LMAN2L: variants seen among roughly 807,000 people sequenced by gnomAD.
LMAN2L encodes lectin, mannose binding 2 like.
Under a neutral mutation model 44.3 loss-of-function variants are expected in LMAN2L, and 30 were observed. The observed-to-expected ratio is 0.68, with a 90% CI of 0.51 to 0.92. The LOEUF is 0.92. Among genes scored for constraint, LMAN2L ranks in the 40% least tolerant of loss-of-function variants. The probability of loss-of-function intolerance (pLI) is 0.00; values close to 1 mark genes in which losing one functional copy is unlikely to be tolerated. For synonymous variants in LMAN2L, 183 were observed against 171.1 expected, an observed-to-expected ratio of 1.07 and a Z score of -0.54; for missense variants, 429 against 446.1, an observed-to-expected ratio of 0.96 and a Z score of 0.35.
At chr2:96,721,693 T>G (rs1194216524) in intron 4 of LMAN2L, among the ~76,000 whole-genome samples, 1 of 152,092 alleles carries the variant, frequency 6.6e-6, no homozygotes, top group Non-Finnish European at 1.5e-5. Flanking sequence ...TTGCCCAAGC[T>G]GATCTAAAAC....
In LMAN2L at chr2:96,705,932, G is replaced by C. The variant is rs1164921625; in HGVS notation, c.*1324C>G. ...AGAACACAGTCAGAAGCTCATGTTTGGTTCCATCGGTGATTTTAAGAATTT... is the reference window on the plus strand; with the variant it reads ...AGAACACAGTCAGAAGCTCATGTTTCGTTCCATCGGTGATTTTAAGAATTT... On this transcript the variant is annotated 3_prime_UTR_variant, in exon 8 of 8. Coordinates refer to ENST00000264963, the MANE Select transcript of LMAN2L (RefSeq NM_030805.4). The C allele has an allele frequency of 6.6e-6, 1 of 152,350 alleles. No individual in the cohort carries two copies. Among genetic ancestry groups the C allele is most frequent in the African/African-American group, 2.4e-5 (1 of 41,434 alleles). The allele number at this position is 152,350 out of a possible 1,614,324, so 9.4% of individuals were successfully genotyped here. A position where few individuals can be genotyped will look rare whatever the true frequency, so the allele number is the denominator to read the frequency against.
chr2:96,725,021 C>T (rs1262541178), intron 4 of LMAN2L, among the ~76,000 whole-genome samples: 2 of 151,822 alleles, frequency 1.3e-5, no homozygotes, highest in African/African-American at 4.8e-5. Flanking sequence ...TTAGTAGAGA[C>T]GGGGTTTCAC....
rs781266601 is a variant in LMAN2L, at chr2:96,707,695, C to T, written c.904+19G>A. ...CCTCCCCAACTATGGGACCATTTCCCGCGGGCCCCTGTGCTCACTCTCAGG... is the reference window on the plus strand; with the variant it reads ...CCTCCCCAACTATGGGACCATTTCCTGCGGGCCCCTGTGCTCACTCTCAGG... On this transcript the variant is annotated intron_variant, in intron 7 of 7. Transcript: ENST00000264963. The T allele has an allele frequency of 2.9e-5, 46 of 1,613,414 alleles. No individual in the cohort carries two copies. The highest frequency in any genetic ancestry group is 3.3e-5 in the Admixed American group (2 of 59,922).
At position 96,729,515 on chromosome 2, in the gene LMAN2L, CT is replaced by C. The variant is rs527735996; in HGVS notation, c.507+4003del. ...AGTGATTTTATTTTTTTTTTAATGG[CT>C]TTTTTTTTTGAGACAGAGTCTTGCT... is the stretch of plus-strand genomic sequence containing the variant. On this transcript the variant is annotated intron_variant, in intron 4 of 7. Transcript: ENST00000264963. Among the ~76,000 whole-genome samples, 34 of 146,810 alleles carry C rather than the reference CT, an allele frequency of 2.3e-4. No individual in the cohort carries two copies. The South Asian group carries it at 5.2e-3, about 23-fold the overall frequency.
At chr2:96,728,284 G>A (rs956820935) in intron 4 of LMAN2L, among the ~76,000 whole-genome samples, 10 of 151,126 alleles carry the variant, frequency 6.6e-5, no homozygotes, top group Non-Finnish European at 5.9e-5. Flanking sequence ...TCAGGAGATC[G>A]AGAGGAGATC....
intron 2 of LMAN2L, among the ~76,000 whole-genome samples, chr2:96,736,550 C>T (rs1240499188): frequency 2.0e-5 from 3 of 152,170 alleles, no homozygotes; most frequent in African/African-American, 7.2e-5. Flanking sequence ...ACATAATCAT[C>T]CGGTAACCCA....
intron 4 of LMAN2L, among the ~76,000 whole-genome samples, chr2:96,718,822 C>T (rs977587051): frequency 6.6e-6 from 1 of 152,164 alleles, no homozygotes; most frequent in Non-Finnish European, 1.5e-5. Context: ...CAAAGCTATG[C>T]TAGGGACTCT....
chr2:96,727,468 C>T (rs577835930), intron 4 of LMAN2L, among the ~76,000 whole-genome samples: 36 of 152,176 alleles, frequency 2.4e-4, no homozygotes, highest in Middle Eastern at 3.4e-3. Context: ...CCTGTCTCTA[C>T]AAAAAATACA....
intron 4 of LMAN2L, among the ~76,000 whole-genome samples, chr2:96,727,403 A>C (rs142833089): frequency 1.1e-4 from 17 of 152,204 alleles, no homozygotes; most frequent in Middle Eastern, 6.8e-3. Flanking sequence ...GGGCCAAAGC[A>C]GGCAAAGCAC....
chr2:96,709,090 A>C (rs1324867147), intron 6 of LMAN2L, among the ~76,000 whole-genome samples: 1 of 145,328 alleles, frequency 6.9e-6, no homozygotes, highest in Non-Finnish European at 1.5e-5. Context: ...AATTTTTTGT[A>C]TTTTTTTTTT....
At chr2:96,731,271 C>T (rs1443033895) in intron 4 of LMAN2L, among the ~76,000 whole-genome samples, 3 of 152,150 alleles carry the variant, frequency 2.0e-5, no homozygotes, top group Non-Finnish European at 2.9e-5. Context: ...TGAAGAACAG[C>T]CCAGAAGGAA....
chr2:96,737,728 GA>G (rs929720045), intron 2 of LMAN2L, among the ~76,000 whole-genome samples: 12 of 149,762 alleles, frequency 8.0e-5, no homozygotes, highest in East Asian at 7.8e-4. Flanking sequence ...GACATTTCAG[GA>G]AAAAAAAATG....
intron 4 of LMAN2L, among the ~76,000 whole-genome samples, chr2:96,722,000 C>T (rs192555937): frequency 1.7e-4 from 26 of 152,024 alleles, no homozygotes; most frequent in Non-Finnish European, 3.2e-4. Context: ...CGGAGTCTCA[C>T]TCTGTTGCCC....
intron 1 of LMAN2L, 28 bp downstream of exon 1, chr2:96,739,826 C>T (rs768963295): frequency 2.4e-5 from 38 of 1,610,076 alleles, no homozygotes; most frequent in Non-Finnish European, 3.1e-5. Context: ...CGCCCCACTG[C>T]ACGACCACCT....
At chr2:96,710,174 T>C (rs2077881909) in intron 6 of LMAN2L, among the ~76,000 whole-genome samples, 1 of 152,204 alleles carries the variant, frequency 6.6e-6, no homozygotes, top group Admixed American at 6.5e-5. Flanking sequence ...GGAGGAATAC[T>C]GCAAAGGGGG....
chr2:96,729,183 TAAATA>T (rs1249473906), intron 4 of LMAN2L, among the ~76,000 whole-genome samples: 1 of 148,908 alleles, frequency 6.7e-6, no homozygotes, highest in Non-Finnish European at 1.5e-5. Context: ...AAAAAATAAA[TAAATA>T]AAATAAAATA....
intron 4 of LMAN2L, among the ~76,000 whole-genome samples, chr2:96,726,168 AATATTTTATAATATTTTTGC>A (rs1381906781): frequency 1.3e-5 from 2 of 151,544 alleles, no homozygotes; most frequent in South Asian, 2.1e-4. Flanking sequence ...CCTTTTTAAT[AATATTTTATAATATTTTTGC>A]ATATTTTATA....
intron 4 of LMAN2L, among the ~76,000 whole-genome samples, chr2:96,717,530 T>G: frequency 9.6e-6 from 1 of 104,022 alleles, no homozygotes; most frequent in Middle Eastern, 5.7e-3. Context: ...AAACCCTGTG[T>G]CGGAAAAAAA....
chr2:96,732,833 G>C (rs1159091045), intron 4 of LMAN2L, among the ~76,000 whole-genome samples: 22 of 148,746 alleles, frequency 1.5e-4, no homozygotes, highest in Non-Finnish European at 3.0e-4. Context: ...CTGCTGCCCA[G>C]GGGGGAGTGC....
Sources: gnomAD v4.1 joint callset for allele counts (sites outside exome capture counted in the v4.1 genomes callset) on GRCh38, gnomAD v4.1.1 for gene constraint, MANE v1.5 for transcripts, NCBI Gene and HGNC (gene_info 2026-07-23, HGNC 2026-07-21) for gene names.